CDH22: variants seen among roughly 807,000 people sequenced by gnomAD.
CDH22 encodes cadherin 22, also known as cadherin-22.
Under a neutral mutation model 58.4 loss-of-function variants are expected in CDH22, and 30 were observed. That is an observed-to-expected ratio of 0.51 (90% confidence interval 0.38 to 0.70). The LOEUF (loss-of-function observed/expected upper bound fraction) is 0.70. Among genes scored for constraint, CDH22 ranks in the 30% least tolerant of loss-of-function variants. The pLI, the probability that CDH22 is intolerant of heterozygous loss-of-function variation, is 0.00. For missense variants in CDH22, 1,014 were observed against 1,233.9 expected, an observed-to-expected ratio of 0.82 and a Z score of 2.67; for synonymous variants, 513 against 558.2, an observed-to-expected ratio of 0.92 and a Z score of 1.14.
intron 1 of CDH22, among the ~76,000 whole-genome samples, chr20:46,268,761 A>G (rs955683178): frequency 6.6e-6 from 1 of 152,194 alleles, no homozygotes; most frequent in Non-Finnish European, 1.5e-5. Context: ...CAATCATGAG[A>G]ACTTCAACAC....
Position 46,308,372 on chromosome 20 carries a change from G to A in CDH22, c.-517C>T. On this transcript the variant is annotated 5_prime_UTR_variant, in exon 1 of 12. Coordinates refer to ENST00000537909, the MANE Select transcript of CDH22 (RefSeq NM_021248.3). This position sits in a 1 kb window ranked among gnomAD's most constrained non-coding sequence, Gnocchi z 4.3. ...GCCCCGCGGCCGCCCGCAGGAGCCG[G>A]AGGGAGAGCGGGAGCGAGAGGGGGA... is the stretch of plus-strand genomic sequence containing the variant. 1 of 192,262 alleles carries A rather than the reference G, an allele frequency of 5.2e-6. No homozygotes were observed. The highest frequency in any genetic ancestry group is 1.1e-5 in the Non-Finnish European group (1 of 92,802). The allele number at this position is 192,262 out of a possible 1,614,324, so 11.9% of individuals were successfully genotyped here. A position where few individuals can be genotyped will look rare whatever the true frequency, so the allele number is the denominator to read the frequency against.
chr20:46,192,680 C>T, intron 8 of CDH22, among the ~76,000 whole-genome samples: 1 of 152,076 alleles, frequency 6.6e-6, no homozygotes, highest in East Asian at 1.9e-4. Flanking sequence ...ACCCTCTTCT[C>T]CACTATCCCC....
intron 1 of CDH22, among the ~76,000 whole-genome samples, chr20:46,301,222 C>CAT (rs1288493140): frequency 2.0e-5 from 3 of 151,274 alleles, no homozygotes; most frequent in African/African-American, 7.3e-5. Flanking sequence ...CACACACATA[C>CAT]ACACACACAC....
rs769886200 is a variant in CDH22, at chr20:46,174,573, G to T, written c.2420C>A (p.Pro807Gln). ...QDFAYLSSWG[P>Q]RFRPLAALYA... ...GAGCGCGGCCAGGGGCCGGAAGCGCGGACCCCAGCTGCTGAGATAGGCGAA... is the reference window on the plus strand; with the variant it reads ...GAGCGCGGCCAGGGGCCGGAAGCGCTGACCCCAGCTGCTGAGATAGGCGAA... The change falls in exon 12 of 12, where the codon CCG becomes CAG. Residue 807 changes from proline to glutamine, a missense_variant. This residue lies in a region of CDH22 where 208 missense variants were observed against 195.2 expected (regional missense o/e 1.07). Coordinates refer to ENST00000537909, the MANE Select transcript of CDH22 (RefSeq NM_021248.3). The surrounding 1 kb of genome is among the most constrained non-coding windows in gnomAD (Gnocchi z 4.4). 2 of 1,529,498 alleles carry T rather than the reference G, an allele frequency of 1.3e-6. No individual in the cohort carries two copies. Among genetic ancestry groups the T allele is most frequent in the South Asian group, 1.2e-5 (1 of 82,816 alleles). 94.7% of individuals were successfully genotyped at this position (1,529,498 alleles called of 1,614,324 possible).
intron 1 of CDH22, among the ~76,000 whole-genome samples, chr20:46,278,557 A>C (rs1017299432): frequency 5.3e-5 from 8 of 152,092 alleles, no homozygotes; most frequent in Non-Finnish European, 1.2e-4. Flanking sequence ...GCCACTTGGA[A>C]TTTTGTGGAC....
At chr20:46,181,187 A>G (rs183758237) in intron 10 of CDH22, among the ~76,000 whole-genome samples, 23 of 152,250 alleles carry the variant, frequency 1.5e-4, no homozygotes, top group African/African-American at 5.1e-4. Flanking sequence ...CAGAGCTCAT[A>G]TTTTCATGTA....
intron 1 of CDH22, among the ~76,000 whole-genome samples, chr20:46,277,202 T>A (rs1282496340): frequency 4.7e-5 from 7 of 149,992 alleles, no homozygotes; most frequent in Non-Finnish European, 7.4e-5. Flanking sequence ...GTGGCACAAG[T>A]ACAAATCAGG....
intron 2 of CDH22, among the ~76,000 whole-genome samples, chr20:46,248,694 C>T (rs1349412047): frequency 2.0e-5 from 3 of 152,138 alleles, no homozygotes; most frequent in South Asian, 2.1e-4. Context: ...ATGGTGTAAT[C>T]CCAGCTACTT....
intron 8 of CDH22, among the ~76,000 whole-genome samples, chr20:46,187,238 G>C (rs1337861229): frequency 1.3e-5 from 2 of 151,454 alleles, no homozygotes; most frequent in Non-Finnish European, 2.9e-5. Context: ...CATCACCACT[G>C]TCAGCATCAA....
At chr20:46,268,215 C>T (rs1190164465) in intron 1 of CDH22, among the ~76,000 whole-genome samples, 1 of 152,232 alleles carries the variant, frequency 6.6e-6, no homozygotes, top group African/African-American at 2.4e-5. Flanking sequence ...CCGACCTCAG[C>T]CCTGGAAACA....
chr20:46,199,339 T>G (rs2085935856), intron 8 of CDH22, 84 bp downstream of exon 8: 4 of 1,492,630 alleles, frequency 2.7e-6, no homozygotes, highest in Non-Finnish European at 3.6e-6. Context: ...GCCTTGGCCC[T>G]GCCCCCAGCC....
chr20:46,236,635 ATATT>A lies in CDH22; in HGVS notation c.550+4324_550+4327del, dbSNP rs534801461. On this transcript the variant is annotated intron_variant, in intron 3 of 11. Transcript: ENST00000537909. ...TATATATTAATATCTATATTTGTAT[ATATT>A]TATATATTAATATCTATCTATCTAT... Among the ~76,000 whole-genome samples the A allele has an allele frequency of 6.1e-3, 837 of 137,044 alleles. 9 individuals are homozygous for A. The highest frequency in any genetic ancestry group is 0.023 in the Admixed American group (284 of 12,458). The allele number at this position is 137,044 out of a possible 152,430, so 89.9% of individuals were successfully genotyped here. A position where few individuals can be genotyped will look rare whatever the true frequency, so the allele number is the denominator to read the frequency against.
chr20:46,243,156 CAGG>C (rs1161414861), intron 2 of CDH22, among the ~76,000 whole-genome samples: 16 of 152,308 alleles, frequency 1.1e-4, no homozygotes, highest in Admixed American at 5.2e-4. Flanking sequence ...GCCCACTAGG[CAGG>C]AGAACAGGTG....
chr20:46,254,554 CAAAA>C (rs1257630029), intron 1 of CDH22, among the ~76,000 whole-genome samples: 7 of 64,128 alleles, frequency 1.1e-4, no homozygotes, highest in African/African-American at 3.4e-4. Flanking sequence ...AATTCCATCT[CAAAA>C]AAAAAAAAAA....
chr20:46,213,191 G>C lies in CDH22; in HGVS notation c.839-3C>G. 1 of 1,613,848 alleles carries C rather than the reference G, an allele frequency of 6.2e-7. No individual in the cohort carries two copies. Among genetic ancestry groups the C allele is most frequent in the Non-Finnish European group, 8.5e-7 (1 of 1,179,860 alleles). The stretch of plus-strand genomic sequence containing the variant: ...CTGGATGCTGAACTGGTACATCTCT[G>C]TGGGGGACACGGCCATGAGCAGGGA... On this transcript the variant is annotated splice_region_variant and splice_polypyrimidine_tract_variant and intron_variant, in intron 5 of 11. Transcript: ENST00000537909.
chr20:46,174,711 TC>T lies in CDH22; in HGVS notation c.2281del (p.Asp761ThrfsTer143). 1 of 1,555,958 alleles carries T rather than the reference TC, an allele frequency of 6.4e-7. No individual in the cohort carries two copies. Among genetic ancestry groups the T allele is most frequent in the Non-Finnish European group, 8.6e-7 (1 of 1,158,548 alleles). The part of the protein sequence containing the change: ...ISRKVALADG[D>X]LSVPPYDAFQ... ...GGCGTCGTAGGGCGGCACCGACAGG[TC>T]CCCGTCCGCCAGTGCCACCTTGCGG... is the stretch of plus-strand genomic sequence containing the variant. On this transcript the variant is annotated frameshift_variant, in exon 12 of 12. Coordinates refer to ENST00000537909, the MANE Select transcript of CDH22 (RefSeq NM_021248.3). LOFTEE classifies it low-confidence loss of function (END_TRUNC). This position sits in a 1 kb window ranked among gnomAD's most constrained non-coding sequence, Gnocchi z 4.4.
chr20:46,264,052 C>T lies in CDH22; in HGVS notation c.-399-12359G>A, dbSNP rs370663388. Among the ~76,000 whole-genome samples, 51 of 151,994 alleles carry T rather than the reference C, an allele frequency of 3.4e-4. 1 individual carries two copies. The highest frequency in any genetic ancestry group is 1.6e-3 in the Admixed American group (24 of 15,258). On this transcript the variant is annotated intron_variant, in intron 1 of 11. Transcript: ENST00000537909. ...AGAGTTGGTGATGAATCAGATGTAG[C>T]GGACGAGGGAGGGAGAGACATCAAG... is the stretch of plus-strand genomic sequence containing the variant.
Position 46,268,389 on chromosome 20 carries a change from A to C in CDH22, c.-399-16696T>G, listed in dbSNP as rs150515468. ...GCAGCTCATCTCCCGCAGCTCCCCG[A>C]GGTCCCAGCGATTATGCCACTGAAA... On this transcript the variant is annotated intron_variant, in intron 1 of 11. Coordinates refer to ENST00000537909, the MANE Select transcript of CDH22 (RefSeq NM_021248.3). 4.3e-3 allele frequency among the ~76,000 whole-genome samples: 648 copies of C among 152,338 alleles called. 3 individuals carry two copies. The highest frequency in any genetic ancestry group is 0.015 in the African/African-American group (608 of 41,572).
At chr20:46,220,957 G>A (rs985701431) in intron 4 of CDH22, 9 of 152,874 alleles carry the variant, frequency 5.9e-5, no homozygotes, top group African/African-American at 2.2e-4. Context: ...TCTGGCCAAT[G>A]GGACATCAGC....
Sources: gnomAD v4.1 joint callset for allele counts (sites outside exome capture counted in the v4.1 genomes callset) on GRCh38, gnomAD v4.1.1 for gene constraint, gnomAD v4.1.1 regional missense constraint, Gnocchi (gnomAD v3.1) non-coding constraint, MANE v1.5 for transcripts, NCBI Gene and HGNC (gene_info 2026-07-23, HGNC 2026-07-21) for gene names.